The following NEBL variants were observed in gnomAD, a reference collection of about 807,000 sequenced individuals.
NEBL encodes LIM and SH3 protein 2.
A neutral mutation model predicts 140.2 loss-of-function variants in NEBL; 122 were observed. That is an observed-to-expected ratio of 0.87 (90% CI 0.75 to 1.01). The LOEUF is 1.01. Ranked by LOEUF, NEBL falls within the 50% of genes least tolerant of loss-of-function variation. The pLI, the probability that NEBL is intolerant of heterozygous loss-of-function variation, is 0.00. For missense variants in NEBL, 1,365 were observed against 1,231.3 expected (o/e 1.11, Z -1.62); for synonymous variants, 436 against 398.9 (o/e 1.09, Z -1.11).
chr10:21,018,075 G>T (rs564436058), intron 3 of NEBL, among the ~76,000 whole-genome samples: 1 of 152,188 alleles, frequency 6.6e-6, no homozygotes, highest in Admixed American at 6.5e-5. Context: ...ACCCACCTCG[G>T]CCTCCCAAAG....
At chr10:21,282,129 T>C (rs1441618981) in intron 1 of NEBL, among the ~76,000 whole-genome samples, 2 of 152,142 alleles carry the variant, frequency 1.3e-5, no homozygotes, top group Non-Finnish European at 2.9e-5. Context: ...AGCAAGACAG[T>C]TAGCCAAAGA....
intron 12 of NEBL, among the ~76,000 whole-genome samples, chr10:20,844,375 T>C (rs1564375322): frequency 1.3e-5 from 2 of 150,772 alleles, no homozygotes; most frequent in Non-Finnish European, 3.0e-5. Context: ...AAATATATAT[T>C]ATATTGTGTA....
intron 3 of NEBL, among the ~76,000 whole-genome samples, chr10:21,013,077 A>G (rs1218216326): frequency 1.3e-5 from 2 of 150,746 alleles, no homozygotes; most frequent in Non-Finnish European, 3.0e-5. Flanking sequence ...CAGGGGTACA[A>G]TGGGGGCGTG....
intron 2 of NEBL, among the ~76,000 whole-genome samples, chr10:21,025,935 A>C (rs150721357): frequency 1.5e-3 from 227 of 152,310 alleles, no homozygotes; most frequent in African/African-American, 5.1e-3. Flanking sequence ...ATTACTATTA[A>C]TATTATGGCT....
chr10:21,249,555 T>G (rs1201219300), intron 2 of NEBL, among the ~76,000 whole-genome samples: 3 of 151,578 alleles, frequency 2.0e-5, no homozygotes, highest in Non-Finnish European at 4.4e-5. Flanking sequence ...ATAGTGATCT[T>G]AGGTAAGGTA....
intron 2 of NEBL, among the ~76,000 whole-genome samples, chr10:21,137,573 G>T (rs1207618791): frequency 2.0e-5 from 3 of 152,222 alleles, no homozygotes; most frequent in Non-Finnish European, 4.4e-5. Flanking sequence ...TCCACTCAAG[G>T]TCTTGGTCAC....
chr10:21,201,865 G>A (rs1485843729), intron 3 of NEBL, among the ~76,000 whole-genome samples: 2 of 152,068 alleles, frequency 1.3e-5, no homozygotes, highest in Non-Finnish European at 2.9e-5. Context: ...GTAATGTCAC[G>A]CACAATTTTT....
chr10:21,105,816 G>A (rs561819056), intron 2 of NEBL, among the ~76,000 whole-genome samples: 14 of 152,204 alleles, frequency 9.2e-5, no homozygotes, highest in East Asian at 3.9e-4. Flanking sequence ...GTGTAAAAGC[G>A]TTCCTATTTC....
chr10:21,228,977 T>C (rs1842208670), intron 3 of NEBL, among the ~76,000 whole-genome samples: 1 of 151,674 alleles, frequency 6.6e-6, no homozygotes, highest in Non-Finnish European at 1.5e-5. Flanking sequence ...TGCATCCCAG[T>C]AAGGATAAAT....
intron 1 of NEBL, among the ~76,000 whole-genome samples, chr10:21,264,504 A>T (rs1043600041): frequency 7.9e-5 from 12 of 152,002 alleles, no homozygotes; most frequent in Non-Finnish European, 1.5e-4. Context: ...TGACTCACTC[A>T]AAGTATTAGA....
In NEBL at chr10:20,809,871, C is replaced by A; in HGVS notation, c.2546G>T (p.Gly849Val). The A allele has an allele frequency of 8.7e-6, 14 of 1,611,556 alleles. No individual in the cohort carries two copies. The highest frequency in any genetic ancestry group is 1.1e-5 in the Non-Finnish European group (13 of 1,179,434). The change falls in exon 25 of 28, where the codon GGC (glycine) becomes GTC (valine). Residue 849 changes from glycine (G) to valine (V), a missense_variant. Transcript: ENST00000377122. ...CAGGGGATCAAGGTCGAAGATGGAGCCAGGATCTGTGCGCCAAACTTTGAG... is the reference window on the plus strand; with the variant it reads ...CAGGGGATCAAGGTCGAAGATGGAGACAGGATCTGTGCGCCAAACTTTGAG... ...VDLKVWRTDP[G>V]SIFDLDPLED...
intron 3 of NEBL, among the ~76,000 whole-genome samples, chr10:20,998,806 C>G (rs3900782): frequency 1.3e-5 from 2 of 151,968 alleles, no homozygotes; most frequent in Non-Finnish European, 1.5e-5. Flanking sequence ...ACAACTAGCC[C>G]CAATGAAGTC....
intron 2 of NEBL, among the ~76,000 whole-genome samples, chr10:20,896,320 A>G (rs1327702551): frequency 2.0e-5 from 3 of 151,710 alleles, no homozygotes; most frequent in South Asian, 2.1e-4. Context: ...CAATCATTCA[A>G]TAATTCTGGG....
At chr10:20,868,487 A>AT in intron 7 of NEBL, 177 bp downstream of exon 7, 1 of 604,846 alleles carries the variant, frequency 1.7e-6, no homozygotes. Context: ...ATTAGACTTA[A>AT]TTTTTTTCCT....
At chr10:21,244,384 G>A (rs1214986572) in intron 3 of NEBL, among the ~76,000 whole-genome samples, 2 of 151,618 alleles carry the variant, frequency 1.3e-5, no homozygotes, top group Non-Finnish European at 2.9e-5. Context: ...GGGTGCAGTG[G>A]CTCATGCCTG....
At chr10:21,053,203 G>T (rs117012803) in intron 2 of NEBL, among the ~76,000 whole-genome samples, 1 of 152,058 alleles carries the variant, frequency 6.6e-6, no homozygotes, top group East Asian at 1.9e-4. Context: ...CACTGACAAC[G>T]TTCTTTCCCC....
intron 10 of NEBL, among the ~76,000 whole-genome samples, chr10:20,851,534 G>A (rs1029053907): frequency 2.0e-5 from 3 of 151,910 alleles, no homozygotes; most frequent in African/African-American, 7.3e-5. Flanking sequence ...CCAGCACTTT[G>A]GGAGGCCAAG....
At chr10:21,246,090 C>T (rs780158518) in intron 3 of NEBL, among the ~76,000 whole-genome samples, 2 of 152,198 alleles carry the variant, frequency 1.3e-5, no homozygotes, top group South Asian at 2.1e-4. Context: ...AGGAGGAGTG[C>T]GCTGTGTGAC....
chr10:21,106,824 A>G (rs1211482236), intron 2 of NEBL, among the ~76,000 whole-genome samples: 1 of 152,164 alleles, frequency 6.6e-6, no homozygotes, highest in Non-Finnish European at 1.5e-5. Context: ...ATGAGCATGG[A>G]AAGTTCTTCC....
Sources: allele counts gnomAD v4.1 joint callset (sites outside exome capture counted in the v4.1 genomes callset), GRCh38; gene constraint gnomAD v4.1.1; transcripts MANE v1.5; gene names NCBI Gene and HGNC (gene_info 2026-07-23, HGNC 2026-07-21).